SLC4A8: variants seen among roughly 807,000 people sequenced by gnomAD.
The protein encoded by SLC4A8 is solute carrier family 4 member 8, also known as electroneutral sodium bicarbonate exchanger 1.
In SLC4A8, 40 loss-of-function variants were observed where a neutral mutation model predicts 125.0. The ratio of observed to expected loss-of-function variants is 0.32; its 90% CI spans 0.25 to 0.42. The LOEUF is 0.42. Ranked by LOEUF, SLC4A8 falls within the 10% of genes least tolerant of loss-of-function variation. The pLI, the probability that SLC4A8 is intolerant of heterozygous loss-of-function variation, is 1.00. For synonymous variants in SLC4A8, 456 were observed against 476.0 expected (o/e 0.96, Z 0.55); for missense variants, 863 against 1,355.1 (o/e 0.64, Z 5.70).
At chr12:51,424,066 C>CAAAAAAAAAAAAACA (rs60139804), upstream of SLC4A8, among the ~76,000 whole-genome samples, 5 of 106,234 alleles carry the variant, frequency 4.7e-5, no homozygotes, top group African/African-American at 1.5e-4. Flanking sequence ...AAAAAAACAA[C>CAAAAAAAAAAAAACA]AAAAAAAAAA....
chr12:51,416,417 C>A (rs531467293), intron 1 of SLC4A8, among the ~76,000 whole-genome samples: 43 of 152,072 alleles, frequency 2.8e-4, no homozygotes, highest in African/African-American at 1.0e-3. Context: ...ACGTGACAGG[C>A]AGATTGCTTG....
intron 5 of SLC4A8, among the ~76,000 whole-genome samples, chr12:51,455,949 G>A (rs1448404184): frequency 6.6e-6 from 1 of 152,228 alleles, no homozygotes; most frequent in African/African-American, 2.4e-5. Context: ...AGCTATTGAA[G>A]CTGTTTAAAA....
chr12:51,456,651 T>C (rs1437347392), intron 5 of SLC4A8, among the ~76,000 whole-genome samples: 4 of 152,158 alleles, frequency 2.6e-5, no homozygotes, highest in Non-Finnish European at 1.5e-5. Context: ...TTGCTCAAGA[T>C]CACACAGCTA....
At chr12:51,407,271 T>G (rs938797197) in intron 1 of SLC4A8, among the ~76,000 whole-genome samples, 1 of 152,092 alleles carries the variant, frequency 6.6e-6, no homozygotes, top group African/African-American at 2.4e-5. Context: ...GCTTTTTCGT[T>G]TTTTAGAGAT....
At chr12:51,423,772 G>A (rs1050269520), upstream of SLC4A8, among the ~76,000 whole-genome samples, 1 of 152,062 alleles carries the variant, frequency 6.6e-6, no homozygotes, top group African/African-American at 2.4e-5. Flanking sequence ...CATGGCTCAC[G>A]CCTGTAATCC....
At chr12:51,440,868 ACT>A (rs963203264) in intron 2 of SLC4A8, 79 bp downstream of exon 2, 1 of 1,204,168 alleles carries the variant, frequency 8.3e-7, no homozygotes, top group Admixed American at 2.6e-5. Flanking sequence ...CTGTGTCCTA[ACT>A]CTCTCACTAG....
At chr12:51,503,134 A>G (rs1027576712) in intron 22 of SLC4A8, among the ~76,000 whole-genome samples, 56 of 148,340 alleles carry the variant, frequency 3.8e-4, no homozygotes, top group Non-Finnish European at 6.6e-4. Context: ...GAGCCACCGC[A>G]CCCAGCCAGC....
intron 1 of SLC4A8, among the ~76,000 whole-genome samples, chr12:51,398,582 T>G (rs967415949): frequency 6.6e-6 from 1 of 152,238 alleles, no homozygotes; most frequent in African/African-American, 2.4e-5. Context: ...AGAAGAAACA[T>G]ATGCACATTT....
chr12:51,413,513 C>T (rs1367340771), intron 1 of SLC4A8, among the ~76,000 whole-genome samples: 1 of 152,100 alleles, frequency 6.6e-6, no homozygotes, highest in Non-Finnish European at 1.5e-5. Context: ...TGCAGCATTT[C>T]CTGTATGTTT....
chr12:51,505,854 A>G lies in SLC4A8; in HGVS notation c.3193A>G (p.Asn1065Asp). 6.4e-7 allele frequency: 1 copy of G among 1,557,546 alleles called. No individual in the cohort carries two copies. The highest frequency in any genetic ancestry group is 8.8e-7 in the Non-Finnish European group (1 of 1,131,238). Reference sequence around the variant, plus strand: ...TTTCAGATGTGACCCCTCTGAGATTAATATATCTGATGAAATGCCTAAAAC... The same window carrying G: ...TTTCAGATGTGACCCCTCTGAGATTGATATATCTGATGAAATGCCTAAAAC... ...ISCRCDPSEI[N>D]ISDEMPKTTV... Residue 1065 changes from asparagine (N) to aspartate (D), a missense_variant, in exon 24 of 25, where the codon AAT becomes GAT. Around this residue, in one of 6 missense-constraint regions of SLC4A8, gnomAD observed 92 missense variants for 125.6 expected, o/e 0.73. Transcript: ENST00000453097.
chr12:51,429,264 C>G (rs538989633), intron 1 of SLC4A8, among the ~76,000 whole-genome samples: 31 of 152,146 alleles, frequency 2.0e-4, no homozygotes, highest in Non-Finnish European at 3.8e-4. Flanking sequence ...CCTGCCAGAC[C>G]CAGGGCTGCA....
chr12:51,428,542 G>A (rs1210437305), intron 1 of SLC4A8, among the ~76,000 whole-genome samples: 1 of 152,138 alleles, frequency 6.6e-6, no homozygotes, highest in African/African-American at 2.4e-5. Flanking sequence ...CGTTGAAGCT[G>A]GAAAATCTTT....
intron 22 of SLC4A8, among the ~76,000 whole-genome samples, chr12:51,500,505 T>C (rs192764975): frequency 8.8e-4 from 134 of 152,266 alleles, no homozygotes; most frequent in African/African-American, 3.1e-3. Context: ...TAAGACACTT[T>C]CATGTTTCTA....
chr12:51,447,697 AGCATGTGG>A (rs1949819598), intron 2 of SLC4A8, among the ~76,000 whole-genome samples: 1 of 148,724 alleles, frequency 6.7e-6, no homozygotes, highest in African/African-American at 2.5e-5. Flanking sequence ...ATTCTCTGTG[AGCATGTGG>A]GATTTCCACT....
rs1938468293 is a variant in SLC4A8 at position 51,514,491 on chromosome 12, C to T, written c.*7053C>T. 1 of 152,180 alleles carries T rather than the reference C, an allele frequency of 6.6e-6. No homozygotes were observed. Among genetic ancestry groups the T allele is most frequent in the Non-Finnish European group, 1.5e-5 (1 of 68,054 alleles). 9.4% of individuals were successfully genotyped at this position (152,180 alleles called of 1,614,324 possible). ...AGGAAAGAAGTTCTTGGTCAGAGGT[C>T]CTAAAACCACCACCAGCTGGGGGTG... On this transcript the variant is annotated 3_prime_UTR_variant, in exon 25 of 25. Coordinates refer to ENST00000453097, the MANE Select transcript of SLC4A8 (RefSeq NM_001039960.3).
At chr12:51,452,523 G>T (rs888335336) in intron 4 of SLC4A8, among the ~76,000 whole-genome samples, 1 of 152,138 alleles carries the variant, frequency 6.6e-6, no homozygotes, top group Non-Finnish European at 1.5e-5. Context: ...TTTGTTTGGG[G>T]CTCAGAGTAA....
At chr12:51,491,307 G>T (rs900646469) in intron 19 of SLC4A8, among the ~76,000 whole-genome samples, 1 of 152,122 alleles carries the variant, frequency 6.6e-6, no homozygotes, top group Non-Finnish European at 1.5e-5. Context: ...AGAGAACTCA[G>T]GGAAAAGAGA....
chr12:51,409,502 G>A (rs1948556551), intron 1 of SLC4A8, among the ~76,000 whole-genome samples: 2 of 151,996 alleles, frequency 1.3e-5, no homozygotes, highest in South Asian at 4.2e-4. Flanking sequence ...ATTCTGTTAG[G>A]TTTTCTAGGT....
rs1409543685 is a variant in SLC4A8 at position 51,409,921 on chromosome 12, T to C, written c.-112+18433T>C. Among the ~76,000 whole-genome samples the C allele has an allele frequency of 1.8e-4, 28 of 152,214 alleles. 1 individual carries two copies. The highest frequency in any genetic ancestry group is 1.8e-3 in the Admixed American group (28 of 15,282). ...AGGGATTTAAGAGGAAAATGTGGTA[T>C]GGGAAATACGTGGAAATGTCGGGTG... On this transcript the variant is annotated intron_variant, in intron 1 of 24. Coordinates refer to the SLC4A8 transcript ENST00000358657.
Sources: gnomAD v4.1 joint callset for allele counts (sites outside exome capture counted in the v4.1 genomes callset) on GRCh38, gnomAD v4.1.1 for gene constraint, gnomAD v4.1.1 regional missense constraint, MANE v1.5 for transcripts, NCBI Gene and HGNC (gene_info 2026-07-23, HGNC 2026-07-21) for gene names.